Variants in ICA1L observed in about 807,000 individuals in gnomAD.
The protein encoded by ICA1L is islet cell autoantigen 1-like protein.
In ICA1L, 50 loss-of-function variants were observed where a neutral mutation model predicts 61.3. The observed-to-expected ratio is 0.82, with a 90% confidence interval of 0.65 to 1.03. The LOEUF (loss-of-function observed/expected upper bound fraction) is 1.03, where lower values mean the gene tolerates loss of function less well. Ranked by LOEUF, ICA1L falls within the 50% of genes least tolerant of loss-of-function variation. ICA1L has a pLI of 0.00. For synonymous variants in ICA1L, 161 were observed against 191.3 expected, an observed-to-expected ratio of 0.84 and a Z score of 1.31; for missense variants, 508 against 556.7, an observed-to-expected ratio of 0.91 and a Z score of 0.88.
Position 202,779,554 on chromosome 2 carries a change from A to T in ICA1L, c.1428T>A (p.Asp476Glu). 3 of 1,607,996 alleles carry T rather than the reference A, an allele frequency of 1.9e-6. No homozygotes were observed. Among genetic ancestry groups the T allele is most frequent in the Non-Finnish European group, 1.7e-6 (2 of 1,175,364 alleles). Residue 476 changes from aspartate to glutamate, a missense_variant, in exon 13 of 13, where the codon GAT becomes GAA. By Grantham distance (45) the Asp-to-Glu change is conservative. Transcript: ENST00000358299. ...LSNPDAIGHS[D>E]DELLNA The stretch of plus-strand genomic sequence containing the variant: ...TCAGTCAAGCATTAAGAAGTTCATC[A>T]TCTGAGTGTCCAATAGCATCTGGGT...
intron 10 of ICA1L, among the ~76,000 whole-genome samples, chr2:202,791,220 A>G (rs979107626): frequency 6.6e-6 from 1 of 152,208 alleles, no homozygotes; most frequent in African/African-American, 2.4e-5. Flanking sequence ...GGAACAATTT[A>G]TGCTCCAGGG....
In ICA1L at chr2:202,814,561, T is replaced by C. The variant is rs923487982; in HGVS notation, c.866+141A>G. 2.4e-5 allele frequency: 15 copies of C among 635,488 alleles called. No homozygotes were observed. The African/African-American group carries it at 2.6e-4, about 11-fold the overall frequency. 39.4% of individuals were successfully genotyped at this position (635,488 alleles called of 1,614,324 possible). On this transcript the variant is annotated intron_variant, in intron 8 of 12. Transcript: ENST00000358299. ...TGTTATAGCAACACAAAACAGACTA[T>C]GATACAAATGTTTAGTGTTGATTGG... is the stretch of plus-strand genomic sequence containing the variant.
At chr2:202,804,383 C>G (rs1324318607) in intron 9 of ICA1L, among the ~76,000 whole-genome samples, 1 of 152,184 alleles carries the variant, frequency 6.6e-6, no homozygotes, top group Admixed American at 6.5e-5. Context: ...CAGGTGTGCT[C>G]TCACCATTGT....
intron 9 of ICA1L, among the ~76,000 whole-genome samples, chr2:202,801,292 C>A (rs1384892434): frequency 6.6e-6 from 1 of 152,172 alleles, no homozygotes; most frequent in Non-Finnish European, 1.5e-5. Context: ...TCTGCTTTAC[C>A]TTACAGTGCT....
At chr2:202,828,227 G>A (rs1693901558) in intron 2 of ICA1L, among the ~76,000 whole-genome samples, 2 of 147,198 alleles carry the variant, frequency 1.4e-5, no homozygotes, top group Admixed American at 1.4e-4. Context: ...TCGCCCCATT[G>A]CACTCCAGCC....
rs1692149780 is a variant in ICA1L at position 202,774,324 on chromosome 2, G to A, written c.*5209C>T. On this transcript the variant is annotated 3_prime_UTR_variant, in exon 13 of 13. Coordinates refer to ENST00000358299, the MANE Select transcript of ICA1L (RefSeq NM_001288622.3). The stretch of plus-strand genomic sequence containing the variant: ...GCGGACGGCGGCGCGCGCGTTCCCC[G>A]CAGCGCTGAGGCGAGCCTGCCGCGC... The A allele has an allele frequency of 5.5e-6, 8 of 1,461,188 alleles. No individual in the cohort carries two copies. The highest frequency in any genetic ancestry group is 2.7e-5 in the Admixed American group (1 of 36,420). 90.5% of individuals were successfully genotyped at this position (1,461,188 alleles called of 1,614,324 possible).
At chr2:202,793,068 A>G (rs1692804572) in intron 10 of ICA1L, among the ~76,000 whole-genome samples, 1 of 152,166 alleles carries the variant, frequency 6.6e-6, no homozygotes, top group African/African-American at 2.4e-5. Flanking sequence ...AACTGTGGTA[A>G]TGGTTGCATA....
chr2:202,857,719 C>G (rs558580279), intron 1 of ICA1L, among the ~76,000 whole-genome samples: 1 of 152,160 alleles, frequency 6.6e-6, no homozygotes, highest in East Asian at 1.9e-4. Flanking sequence ...TTTTTGCAAT[C>G]TATCCTTCTG....
chr2:202,828,821 T>C (rs781401909), intron 2 of ICA1L, 27 bp downstream of exon 2: 2 of 1,596,598 alleles, frequency 1.3e-6, no homozygotes, highest in Non-Finnish European at 1.7e-6. Context: ...GCTGGTTATA[T>C]GCAATACATA....
chr2:202,797,612 C>T (rs1692971198), intron 9 of ICA1L, among the ~76,000 whole-genome samples: 1 of 152,350 alleles, frequency 6.6e-6, no homozygotes, highest in East Asian at 1.9e-4. Context: ...ATCTCCACTT[C>T]TGGGGTTCAA....
intron 9 of ICA1L, among the ~76,000 whole-genome samples, chr2:202,809,476 C>A (rs755733193): frequency 7.9e-5 from 12 of 152,150 alleles, no homozygotes; most frequent in Non-Finnish European, 1.3e-4. Flanking sequence ...TGGAGAAACC[C>A]TGTCTCTACT....
intron 1 of ICA1L, among the ~76,000 whole-genome samples, chr2:202,838,068 G>T (rs1694204586): frequency 6.6e-6 from 1 of 152,094 alleles, no homozygotes; most frequent in Non-Finnish European, 1.5e-5. Flanking sequence ...TGGCCAGGCT[G>T]ATCTCGATCT....
At chr2:202,859,517 C>A (rs1694854230) in intron 1 of ICA1L, among the ~76,000 whole-genome samples, 1 of 152,148 alleles carries the variant, frequency 6.6e-6, no homozygotes, top group South Asian at 2.1e-4. Context: ...ATCAATAAGA[C>A]ATTGACATAG....
intron 1 of ICA1L, among the ~76,000 whole-genome samples, chr2:202,861,883 C>CAAAAAAAAAA (rs71030996): frequency 2.4e-5 from 1 of 40,922 alleles, no homozygotes; most frequent in Non-Finnish European, 4.1e-5. Context: ...GATTCAGACT[C>CAAAAAAAAAA]AAAAAAAAAA....
At chr2:202,853,939 C>T (rs926185086) in intron 1 of ICA1L, among the ~76,000 whole-genome samples, 2 of 152,140 alleles carry the variant, frequency 1.3e-5, no homozygotes, top group African/African-American at 2.4e-5. Context: ...TGCAGAAACA[C>T]ATCAAAATAT....
rs932127931 is a variant in ICA1L, at chr2:202,849,293, C to A, written c.-7-20277G>T. Among the ~76,000 whole-genome samples, 2 of 152,160 alleles carry A rather than the reference C, an allele frequency of 1.3e-5. No homozygotes were observed. The highest frequency in any genetic ancestry group is 6.5e-5 in the Admixed American group (1 of 15,274). On this transcript the variant is annotated intron_variant, in intron 1 of 12. Coordinates refer to ENST00000358299, the MANE Select transcript of ICA1L (RefSeq NM_001288622.3). The surrounding 1 kb of genome is among the most constrained non-coding windows in gnomAD (Gnocchi z 4.5). ...CCCCAGCGAGACAAAACCGTTCACT[C>A]CCCTGGAAAGGGGGCTGAGGCCAGG...
At position 202,817,457 on chromosome 2, in the gene ICA1L, A is replaced by G. The variant is rs376714167; in HGVS notation, c.645T>C (p.Ser215=). The G allele has an allele frequency of 6.1e-5, 99 of 1,611,380 alleles. No homozygotes were observed. The Admixed American group carries it at 6.7e-4, about 11-fold the overall frequency. ...VCQKVDLLGA[S]RCNMLSHSLT... ...GCGAATGAGATAGCATATTGCAGCG[A>G]CTAGCTCCAAGTAAATCCACTTTCT... Residue 215 remains serine, a synonymous_variant, in exon 6 of 13, where the codon AGT becomes AGC. Coordinates refer to ENST00000358299, the MANE Select transcript of ICA1L (RefSeq NM_001288622.3).
intron 2 of ICA1L, among the ~76,000 whole-genome samples, chr2:202,826,561 G>T (rs1222182486): frequency 6.6e-6 from 1 of 151,968 alleles, no homozygotes; most frequent in East Asian, 1.9e-4. Flanking sequence ...AACTTCTACC[G>T]CCTGGGTTCA....
chr2:202,828,890 C>T lies in ICA1L; in HGVS notation c.120G>A (p.Glu40=), dbSNP rs1693927321. Residue 40 remains glutamate, a synonymous_variant, in exon 2 of 13, where the codon GAG becomes GAA. Transcript: ENST00000358299. ...FIKATGKKED[E]HLVASDAELD... ...GTTCAGCATCAGACGCCACCAAGTG[C>T]TCATCCTCTTTTTTTCCTGTTGCTT... The T allele has an allele frequency of 6.2e-7, 1 of 1,614,066 alleles. No homozygotes were observed. The highest frequency in any genetic ancestry group is 2.2e-5 in the East Asian group (1 of 44,874).
Sources: allele counts gnomAD v4.1 joint callset (sites outside exome capture counted in the v4.1 genomes callset), GRCh38; gene constraint gnomAD v4.1.1; non-coding constraint Gnocchi (gnomAD v3.1); transcripts MANE v1.5; gene names NCBI Gene and HGNC (gene_info 2026-07-23, HGNC 2026-07-21).